The following CTNNBL1 variants were observed in gnomAD, a reference collection of about 807,000 sequenced individuals.
CTNNBL1 encodes the protein beta-catenin-like protein 1.
Under a neutral mutation model 72.7 loss-of-function variants are expected in CTNNBL1, and 31 were observed. The observed-to-expected ratio is 0.43, with a 90% CI of 0.32 to 0.58. The LOEUF is 0.58. Among genes scored for constraint, CTNNBL1 ranks in the 20% least tolerant of loss-of-function variants. The pLI is 0.08. For synonymous variants in CTNNBL1, 240 were observed against 267.3 expected, an observed-to-expected ratio of 0.90 and a Z score of 1.00; for missense variants, 534 against 725.1, an observed-to-expected ratio of 0.74 and a Z score of 3.03.
intron 1 of CTNNBL1, chr20:37,694,787 A>C (rs1236082485): frequency 2.0e-5 from 3 of 152,226 alleles, no homozygotes; most frequent in African/African-American, 7.2e-5. Context: ...CCCCTTGCCT[A>C]GGAAACTTGT....
At chr20:37,711,358 G>A (rs1214376128) in intron 1 of CTNNBL1, among the ~76,000 whole-genome samples, 1 of 151,806 alleles carries the variant, frequency 6.6e-6, no homozygotes, top group Non-Finnish European at 1.5e-5. Flanking sequence ...AGATTTTGGG[G>A]CGGTTAGCAA....
chr20:37,848,146 CTTTTTT>C (rs397866131), intron 13 of CTNNBL1, among the ~76,000 whole-genome samples: 1 of 87,790 alleles, frequency 1.1e-5, no homozygotes, highest in Non-Finnish European at 2.3e-5. Context: ...CCACTGCCAG[CTTTTTT>C]TTTTTTTTTT....
chr20:37,848,888 A>G (rs2072370208), intron 13 of CTNNBL1, among the ~76,000 whole-genome samples: 1 of 152,210 alleles, frequency 6.6e-6, no homozygotes, highest in Non-Finnish European at 1.5e-5. Flanking sequence ...TCACGTAGCC[A>G]GCTGCCACCC....
intron 7 of CTNNBL1, among the ~76,000 whole-genome samples, chr20:37,773,196 T>C (rs183732047): frequency 3.9e-4 from 59 of 152,342 alleles, no homozygotes; most frequent in Non-Finnish European, 7.9e-4. Flanking sequence ...GTTCTTAGCC[T>C]CTATGACCAG....
chr20:37,766,429 T>G (rs757829171), intron 6 of CTNNBL1, among the ~76,000 whole-genome samples: 1 of 152,102 alleles, frequency 6.6e-6, no homozygotes, highest in Non-Finnish European at 1.5e-5. Context: ...TAGGGTAGAT[T>G]ATGGTGAAGT....
At chr20:37,703,887 C>G (rs984811527) in intron 1 of CTNNBL1, among the ~76,000 whole-genome samples, 53 of 152,026 alleles carry the variant, frequency 3.5e-4, no homozygotes, top group African/African-American at 1.3e-3. Flanking sequence ...AAGCGACTCT[C>G]CTGCCTCAGC....
intron 3 of CTNNBL1, chr20:37,744,783 C>T (rs1387091588): frequency 6.6e-6 from 1 of 152,108 alleles, no homozygotes; most frequent in Non-Finnish European, 1.5e-5. Context: ...ACAACAACAG[C>T]AAAATGAATA....
At chr20:37,729,939 A>C (rs1377802538) in intron 1 of CTNNBL1, among the ~76,000 whole-genome samples, 3 of 152,226 alleles carry the variant, frequency 2.0e-5, no homozygotes, top group Admixed American at 6.5e-5. Context: ...TATGGAAAAT[A>C]AAGTGTGTTC....
At chr20:37,811,856 G>T (rs895001742) in intron 11 of CTNNBL1, among the ~76,000 whole-genome samples, 1 of 152,226 alleles carries the variant, frequency 6.6e-6, no homozygotes, top group Non-Finnish European at 1.5e-5. Flanking sequence ...GTACCTTTAT[G>T]AATTAGGCAT....
chr20:37,787,960 C>A (rs2122708661), intron 10 of CTNNBL1, among the ~76,000 whole-genome samples: 1 of 152,092 alleles, frequency 6.6e-6, no homozygotes, highest in South Asian at 2.1e-4. Flanking sequence ...CTACTGCCAT[C>A]TCTTTCATTC....
At chr20:37,827,052 AT>A (rs1600512729) in intron 11 of CTNNBL1, among the ~76,000 whole-genome samples, 1 of 152,132 alleles carries the variant, frequency 6.6e-6, no homozygotes, top group African/African-American at 2.4e-5. Flanking sequence ...TTTACCATAG[AT>A]TAGGTTAACC....
At chr20:37,742,330 G>C (rs553050900) in intron 3 of CTNNBL1, among the ~76,000 whole-genome samples, 2 of 152,122 alleles carry the variant, frequency 1.3e-5, no homozygotes, top group Non-Finnish European at 2.9e-5. Flanking sequence ...CCATTTACAG[G>C]CATCTCCCAA....
At chr20:37,785,640 C>G (rs2073666496) in intron 10 of CTNNBL1, among the ~76,000 whole-genome samples, 1 of 152,068 alleles carries the variant, frequency 6.6e-6, no homozygotes, top group South Asian at 2.1e-4. Flanking sequence ...ATTTTGCGTT[C>G]CTTCTGTGTT....
chr20:37,746,366 A>T, intron 3 of CTNNBL1, 102 bp from the exon 4 acceptor site: 2 of 1,291,736 alleles, frequency 1.5e-6, no homozygotes, highest in Non-Finnish European at 2.2e-6. Context: ...GGTCTGTTGT[A>T]GACACTTTGA....
intron 11 of CTNNBL1, among the ~76,000 whole-genome samples, chr20:37,838,193 T>C (rs565320380): frequency 6.6e-6 from 1 of 152,122 alleles, no homozygotes; most frequent in African/African-American, 2.4e-5. Flanking sequence ...TTAGTCTGAG[T>C]TGGGGAGTCA....
chr20:37,792,767 T>G (rs911866823), intron 10 of CTNNBL1, among the ~76,000 whole-genome samples: 1 of 152,202 alleles, frequency 6.6e-6, no homozygotes, highest in Admixed American at 6.5e-5. Context: ...ATACTCAACC[T>G]GTAGGTGTTT....
At chr20:37,814,693 T>A (rs2072039609) in intron 11 of CTNNBL1, among the ~76,000 whole-genome samples, 1 of 152,182 alleles carries the variant, frequency 6.6e-6, no homozygotes, top group Non-Finnish European at 1.5e-5. Context: ...AGCATCTATA[T>A]TTTTAAAAAG....
intron 7 of CTNNBL1, among the ~76,000 whole-genome samples, chr20:37,776,379 A>G (rs2073573565): frequency 1.3e-5 from 2 of 152,208 alleles, no homozygotes; most frequent in Admixed American, 6.5e-5. Flanking sequence ...AGATCTGTGA[A>G]TGGCGGTAAG....
chr20:37,799,279 C>G (rs1313391927), intron 10 of CTNNBL1, among the ~76,000 whole-genome samples: 1 of 152,148 alleles, frequency 6.6e-6, no homozygotes, highest in Non-Finnish European at 1.5e-5. Flanking sequence ...AATTCTCATG[C>G]CTTCTCGACA....
Sources: allele counts gnomAD v4.1 joint callset (sites outside exome capture counted in the v4.1 genomes callset), GRCh38; gene constraint gnomAD v4.1.1; transcripts MANE v1.5; gene names NCBI Gene and HGNC (gene_info 2026-07-23, HGNC 2026-07-21).